Variants in SCFD2 observed in about 807,000 individuals in gnomAD.
The protein encoded by SCFD2 is sec1 family domain containing 2.
In SCFD2, 54 loss-of-function variants were observed where a neutral mutation model predicts 58.9. That is an observed-to-expected ratio of 0.92 (90% confidence interval 0.74 to 1.15). SCFD2 has a LOEUF of 1.15. Among genes scored for constraint, SCFD2 ranks in the 50% most tolerant of loss-of-function variants. The pLI, the probability that SCFD2 is intolerant of heterozygous loss-of-function variation, is 0.00. For synonymous variants in SCFD2, 321 were observed against 335.9 expected (o/e 0.96, Z 0.49); for missense variants, 805 against 836.6 (o/e 0.96, Z 0.47).
intron 4 of SCFD2, among the ~76,000 whole-genome samples, chr4:53,217,992 G>T (rs1728910051): frequency 1.3e-5 from 2 of 152,146 alleles, no homozygotes; most frequent in South Asian, 2.1e-4. Context: ...CTGGCTTGTA[G>T]CGTTTCTGCC....
At chr4:52,878,586 C>T (rs868223606) in intron 8 of SCFD2, among the ~76,000 whole-genome samples, 3 of 151,976 alleles carry the variant, frequency 2.0e-5, no homozygotes, top group Admixed American at 2.0e-4. Context: ...CTAAGATCAC[C>T]CTAAAATTCT....
chr4:52,913,029 C>CT (rs1719521966), intron 6 of SCFD2, among the ~76,000 whole-genome samples: 1 of 152,154 alleles, frequency 6.6e-6, no homozygotes, highest in South Asian at 2.1e-4. Context: ...GCCAGTTCAC[C>CT]TTTTTGGGAG....
At chr4:53,269,912 G>A (rs1191447331) in intron 4 of SCFD2, among the ~76,000 whole-genome samples, 1 of 152,170 alleles carries the variant, frequency 6.6e-6, no homozygotes, top group African/African-American at 2.4e-5. Context: ...CGTAATTCCA[G>A]CTATTCGGGA....
chr4:52,938,771 G>A (rs1258818072), intron 5 of SCFD2, among the ~76,000 whole-genome samples: 3 of 152,090 alleles, frequency 2.0e-5, no homozygotes, highest in African/African-American at 7.2e-5. Context: ...CTAGATTAAA[G>A]TAACCTAAAT....
intron 7 of SCFD2, among the ~76,000 whole-genome samples, chr4:52,902,753 T>C (rs926809954): frequency 2.6e-5 from 4 of 152,222 alleles, no homozygotes; most frequent in Non-Finnish European, 5.9e-5. Flanking sequence ...CCCCGATCTA[T>C]AGATGATGAC....
intron 7 of SCFD2, among the ~76,000 whole-genome samples, chr4:52,902,288 G>A (rs1339409453): frequency 6.6e-6 from 1 of 152,206 alleles, no homozygotes; most frequent in East Asian, 1.9e-4. Flanking sequence ...AGACTGAGGA[G>A]CTCAACAAGT....
At chr4:52,956,252 C>T (rs527907571) in intron 5 of SCFD2, 4 of 456,666 alleles carry the variant, frequency 8.8e-6, no homozygotes, top group Admixed American at 7.0e-5. Context: ...AGAAGGCAAA[C>T]CTCCTTCCCC....
chr4:53,183,344 C>T (rs1727637047), intron 4 of SCFD2, among the ~76,000 whole-genome samples: 1 of 152,136 alleles, frequency 6.6e-6, no homozygotes, highest in Admixed American at 6.6e-5. Context: ...GAGTTCATGT[C>T]CTTTGTAGGG....
chr4:53,276,276 A>AGTCC (rs1357278589), intron 3 of SCFD2, among the ~76,000 whole-genome samples: 1 of 152,164 alleles, frequency 6.6e-6, no homozygotes, highest in Non-Finnish European at 1.5e-5. Context: ...CGTACAATAC[A>AGTCC]GTCCATTGAA....
intron 3 of SCFD2, among the ~76,000 whole-genome samples, chr4:53,284,635 G>C (rs1404925428): frequency 6.6e-6 from 1 of 152,082 alleles, no homozygotes; most frequent in Non-Finnish European, 1.5e-5. Flanking sequence ...AAATAGAAGA[G>C]AAATAATAAC....
chr4:53,055,163 A>G (rs1322397426), intron 5 of SCFD2, among the ~76,000 whole-genome samples: 1 of 152,166 alleles, frequency 6.6e-6, no homozygotes, highest in African/African-American at 2.4e-5. Context: ...TTTAATCTTT[A>G]TGGCAGCCCT....
At chr4:52,899,249 AG>A (rs1322514824) in intron 7 of SCFD2, among the ~76,000 whole-genome samples, 2 of 152,060 alleles carry the variant, frequency 1.3e-5, no homozygotes, top group African/African-American at 4.8e-5. Flanking sequence ...TAGCCTCGAT[AG>A]TCTTTACAAT....
chr4:53,054,016 G>A (rs1252661054), intron 5 of SCFD2, among the ~76,000 whole-genome samples: 1 of 151,854 alleles, frequency 6.6e-6, no homozygotes, highest in African/African-American at 2.4e-5. Flanking sequence ...TCTGGTCTCT[G>A]AAACACTAAG....
chr4:53,231,313 G>A (rs1216340694), intron 4 of SCFD2, among the ~76,000 whole-genome samples: 1 of 152,088 alleles, frequency 6.6e-6, no homozygotes, highest in African/African-American at 2.4e-5. Context: ...CAACAGCACA[G>A]ATTTTGTTTT....
At chr4:53,025,058 G>T (rs1722440210) in intron 5 of SCFD2, among the ~76,000 whole-genome samples, 1 of 152,122 alleles carries the variant, frequency 6.6e-6, no homozygotes, top group South Asian at 2.1e-4. Flanking sequence ...CGGCCCCTCT[G>T]TGTGGCTCTG....
chr4:53,091,880 TA>T (rs758136274), intron 5 of SCFD2, among the ~76,000 whole-genome samples: 17 of 152,178 alleles, frequency 1.1e-4, no homozygotes, highest in East Asian at 7.7e-4. Flanking sequence ...GCTTTTCTTT[TA>T]AAAATAATTT....
chr4:52,959,136 A>G (rs1257029287), intron 5 of SCFD2, among the ~76,000 whole-genome samples: 1 of 152,160 alleles, frequency 6.6e-6, no homozygotes, highest in Non-Finnish European at 1.5e-5. Context: ...CCACTATGCT[A>G]TGATGCCTCT....
intron 8 of SCFD2, among the ~76,000 whole-genome samples, chr4:52,879,590 G>T (rs528788196): frequency 2.0e-5 from 3 of 152,172 alleles, no homozygotes; most frequent in Non-Finnish European, 4.4e-5. Flanking sequence ...AGTCCCTCCA[G>T]CAGCCTTCAG....
chr4:53,265,776 G>A (rs186666674), intron 4 of SCFD2, among the ~76,000 whole-genome samples: 1 of 151,958 alleles, frequency 6.6e-6, no homozygotes, highest in African/African-American at 2.4e-5. Context: ...TTGAGACAGG[G>A]TCACCCAGGC....
Sources: allele counts gnomAD v4.1 joint callset (sites outside exome capture counted in the v4.1 genomes callset), GRCh38; gene constraint gnomAD v4.1.1; transcripts MANE v1.5; gene names NCBI Gene and HGNC (gene_info 2026-07-23, HGNC 2026-07-21).